Variants in NEBL observed in about 807,000 individuals in gnomAD.
The protein encoded by NEBL is nebulette.
In NEBL, 122 loss-of-function variants were observed where a neutral mutation model predicts 140.2. The ratio of observed to expected loss-of-function variants is 0.87; its 90% CI spans 0.75 to 1.01. The LOEUF (loss-of-function observed/expected upper bound fraction) is 1.01. NEBL is among the 50% of genes least tolerant of loss of function. The pLI, the probability that NEBL is intolerant of heterozygous loss-of-function variation, is 0.00. For synonymous variants in NEBL, 436 were observed against 398.9 expected (o/e 1.09, Z -1.11); for missense variants, 1,365 against 1,231.3 (o/e 1.11, Z -1.62).
At chr10:21,047,041 A>G (rs1404729722) in intron 2 of NEBL, among the ~76,000 whole-genome samples, 1 of 152,238 alleles carries the variant, frequency 6.6e-6, no homozygotes, top group Non-Finnish European at 1.5e-5. Context: ...TCAAGGAAGT[A>G]TGGTTTACAG....
At chr10:20,881,215 T>C (rs1845984763) in intron 4 of NEBL, among the ~76,000 whole-genome samples, 1 of 152,318 alleles carries the variant, frequency 6.6e-6, no homozygotes, top group African/African-American at 2.4e-5. Context: ...TTCTGGGATA[T>C]AGATGTCAGA....
chr10:21,254,488 G>A (rs189887004), intron 1 of NEBL, among the ~76,000 whole-genome samples: 60 of 151,918 alleles, frequency 3.9e-4, no homozygotes, highest in Non-Finnish European at 6.8e-4. Context: ...CTGTCACCCA[G>A]GCTAGAGTGC....
chr10:20,790,141 T>C (rs1293928621), intron 26 of NEBL, among the ~76,000 whole-genome samples: 1 of 152,114 alleles, frequency 6.6e-6, no homozygotes, highest in Non-Finnish European at 1.5e-5. Context: ...AACTTTGGAA[T>C]AAACATAAGC....
rs1588665257 is a variant in NEBL, at chr10:20,813,021, A to G, written c.2347-81T>C. 5.1e-6 allele frequency: 6 copies of G among 1,176,920 alleles called. No individual in the cohort carries two copies. In the East Asian group the frequency reaches 7.2e-5, roughly 14 times the overall value. The allele number at this position is 1,176,920 out of a possible 1,614,324, so 72.9% of individuals were successfully genotyped here. On this transcript the variant is annotated intron_variant, in intron 23 of 27. Transcript: ENST00000377122. ...CATTTTTATTAAATGACAGGTGTACACTGCACTGGCTGCGTGCAGATTGTC... is the reference window on the plus strand; with the variant it reads ...CATTTTTATTAAATGACAGGTGTACGCTGCACTGGCTGCGTGCAGATTGTC...
intron 27 of NEBL, among the ~76,000 whole-genome samples, chr10:20,786,276 G>A (rs1192481934): frequency 6.6e-6 from 1 of 152,112 alleles, no homozygotes; most frequent in Non-Finnish European, 1.5e-5. Context: ...CTCGTCATAT[G>A]TCAGAGAAGT....
chr10:20,844,332 T>C (rs1841698583), intron 12 of NEBL, among the ~76,000 whole-genome samples: 1 of 151,600 alleles, frequency 6.6e-6, no homozygotes, highest in Admixed American at 6.6e-5. Context: ...TTCATATGTA[T>C]GTATGTAATA....
chr10:20,828,594 T>G lies in NEBL; in HGVS notation c.1712A>C (p.Tyr571Ser). 6.3e-7 allele frequency: 1 copy of G among 1,594,700 alleles called. No homozygotes were observed. Among genetic ancestry groups the G allele is most frequent in the Non-Finnish European group, 8.6e-7 (1 of 1,162,762 alleles). The change falls in exon 17 of 28, where the codon TAT becomes TCT. Residue 571 changes from tyrosine to serine, a missense_variant. This residue lies in a region of NEBL where 1,323 missense variants were observed against 1,154.8 expected (regional missense o/e 1.15). Coordinates refer to ENST00000377122, the MANE Select transcript of NEBL (RefSeq NM_006393.3). Reference protein sequence around the residue: ...KDEAEKMLSNYSTIADTPEIQ... With the variant: ...KDEAEKMLSNSSTIADTPEIQ... ...TTCAGGAGTATCTGCTATGGTAGAATAGTTAGAAAGCATCTTCTCTGCTTC... is the reference window on the plus strand; with the variant it reads ...TTCAGGAGTATCTGCTATGGTAGAAGAGTTAGAAAGCATCTTCTCTGCTTC...
At chr10:21,071,605 G>T (rs559748467) in intron 2 of NEBL, among the ~76,000 whole-genome samples, 2 of 152,276 alleles carry the variant, frequency 1.3e-5, no homozygotes, top group South Asian at 4.2e-4. Context: ...CTCTAATGCA[G>T]TGGCTGTTCT....
chr10:21,005,086 G>A (rs765813997), intron 3 of NEBL, among the ~76,000 whole-genome samples: 16 of 152,116 alleles, frequency 1.1e-4, no homozygotes, highest in Non-Finnish European at 1.3e-4. Flanking sequence ...CATTTTGCAC[G>A]CTCACAACCA....
rs1250010921 is a variant in NEBL, at chr10:20,808,628, AGACCAGTGTC to A, written c.2633_2642del (p.Arg878LeufsTer33). ...CGAAAGTACTGCTGGAATGGGATCG[AGACCAGTGTC>A]GCCTATAGTGACTCGCCTTTTCTAT... On this transcript the variant is annotated frameshift_variant, in exon 26 of 28. Transcript: ENST00000377122. LOFTEE classifies it high-confidence loss of function. 1 of 1,613,574 alleles carries A rather than the reference AGACCAGTGTC, an allele frequency of 6.2e-7. No homozygotes were observed. Among genetic ancestry groups the A allele is most frequent in the Non-Finnish European group, 8.5e-7 (1 of 1,179,546 alleles).
At chr10:20,800,268 C>T (rs567950927) in intron 26 of NEBL, among the ~76,000 whole-genome samples, 1 of 152,026 alleles carries the variant, frequency 6.6e-6, no homozygotes, top group Non-Finnish European at 1.5e-5. Flanking sequence ...ATAATGTCCT[C>T]TAGTTCCACC....
chr10:21,077,813 T>C (rs1836170965), intron 2 of NEBL, among the ~76,000 whole-genome samples: 1 of 152,058 alleles, frequency 6.6e-6, no homozygotes, highest in Non-Finnish European at 1.5e-5. Context: ...AGGAAATCTC[T>C]CTACCCTGGG....
chr10:20,831,134 C>A (rs1840369260), intron 16 of NEBL, 62 bp downstream of exon 16: 2 of 1,162,830 alleles, frequency 1.7e-6, no homozygotes, highest in Non-Finnish European at 1.3e-6. Flanking sequence ...TAGAGACATA[C>A]AAAGCACATG....
intron 26 of NEBL, chr10:20,804,366 T>C (rs983809749): frequency 1.3e-5 from 2 of 152,174 alleles, no homozygotes; most frequent in Non-Finnish European, 2.9e-5. Flanking sequence ...CTAGCAATCA[T>C]CCTCCTGTTA....
At chr10:21,227,692 CTTCTTCTTCTTCTTCTTCT>C (rs1338275169) in intron 3 of NEBL, among the ~76,000 whole-genome samples, 114 of 90,040 alleles carry the variant, frequency 1.3e-3, no homozygotes, top group African/African-American at 2.2e-3. Flanking sequence ...TCTTCTTCTT[CTTCTTCTTCTTCTTCTTCT>C]TTCTTCTTCT....
At chr10:20,815,555 A>T in intron 22 of NEBL, 70 bp downstream of exon 22, 1 of 1,202,178 alleles carries the variant, frequency 8.3e-7, no homozygotes, top group East Asian at 2.3e-5. Context: ...TTCACAAGCA[A>T]AGGAGGACCG....
chr10:20,892,845 G>T (rs187596719), intron 2 of NEBL, among the ~76,000 whole-genome samples: 4 of 152,286 alleles, frequency 2.6e-5, no homozygotes, highest in African/African-American at 7.2e-5. Flanking sequence ...ATCTGGAAAG[G>T]CTCTTCACAA....
At chr10:21,030,299 C>G in intron 2 of NEBL, 1 of 651,340 alleles carries the variant, frequency 1.5e-6, no homozygotes, top group Non-Finnish European at 2.7e-6. Context: ...GGAACTGGAA[C>G]GGTGGAGGAC....
intron 1 of NEBL, among the ~76,000 whole-genome samples, chr10:21,275,613 A>T (rs1842910661): frequency 6.7e-6 from 1 of 149,880 alleles, no homozygotes; most frequent in Non-Finnish European, 1.5e-5. Context: ...AACCTGAACT[A>T]ACATAGACTC....
Sources: gnomAD v4.1 joint callset for allele counts (sites outside exome capture counted in the v4.1 genomes callset) on GRCh38, gnomAD v4.1.1 for gene constraint, gnomAD v4.1.1 regional missense constraint, MANE v1.5 for transcripts, NCBI Gene and HGNC (gene_info 2026-07-23, HGNC 2026-07-21) for gene names.